Variants in GUCY1A2 observed in about 807,000 individuals in gnomAD.
GUCY1A2 encodes guanylate cyclase soluble subunit alpha-2.
Under a neutral mutation model 63.5 loss-of-function variants are expected in GUCY1A2, and 27 were observed. That is an observed-to-expected ratio of 0.43 (90% CI 0.31 to 0.59). The LOEUF is 0.59. GUCY1A2 is among the 20% of genes least tolerant of loss of function. The pLI is 0.11. For missense variants in GUCY1A2, 768 were observed against 913.3 expected (o/e 0.84, Z 2.05); for synonymous variants, 364 against 343.5 (o/e 1.06, Z -0.66).
intron 5 of GUCY1A2, among the ~76,000 whole-genome samples, chr11:106,801,201 G>T (rs1341722141): frequency 6.6e-6 from 1 of 152,034 alleles, no homozygotes; most frequent in Non-Finnish European, 1.5e-5. Context: ...TTTACCTCTA[G>T]GGTAGAATTC....
chr11:106,750,791 T>C (rs1280114834), intron 6 of GUCY1A2, among the ~76,000 whole-genome samples: 1 of 150,446 alleles, frequency 6.6e-6, no homozygotes, highest in Non-Finnish European at 1.5e-5. Flanking sequence ...GACATGCGAT[T>C]TCCTTTTTTT....
intron 4 of GUCY1A2, among the ~76,000 whole-genome samples, chr11:106,929,373 T>A (rs1220438600): frequency 6.6e-6 from 1 of 152,234 alleles, no homozygotes; most frequent in East Asian, 1.9e-4. Context: ...CTTTATTGAG[T>A]TGAATTTTAA....
chr11:106,810,201 T>C lies in GUCY1A2; in HGVS notation c.1484A>G (p.Tyr495Cys). 2 of 1,613,620 alleles carry C rather than the reference T, an allele frequency of 1.2e-6. No homozygotes were observed. The highest frequency in any genetic ancestry group is 1.7e-6 in the Non-Finnish European group (2 of 1,179,586). ...GGCTACATCACCAGGGAAAATAGAA[T>C]ATAGAAGATCCACTGTCTTCTTTTT... is the stretch of plus-strand genomic sequence containing the variant. ...EEKKKTVDLL[Y>C]SIFPGDVAQQ... is the part of the protein sequence containing the mutation. The change falls in exon 5 of 8, where the codon TAT (tyrosine) becomes TGT (cysteine). Residue 495 changes from tyrosine to cysteine, a missense_variant. Tyr to Cys is a radical substitution (Grantham distance 194, BLOSUM62 -2). Transcript: ENST00000526355.
rs766240915 is a variant in GUCY1A2 at position 106,776,432 on chromosome 11, G to A, written c.1836+7C>T. The A allele has an allele frequency of 1.9e-6, 3 of 1,593,512 alleles. No individual in the cohort carries two copies. The African/African-American group carries it at 4.0e-5, about 21-fold the overall frequency. On this transcript the variant is annotated splice_region_variant and intron_variant, in intron 6 of 7. Coordinates refer to ENST00000526355, the MANE Select transcript of GUCY1A2 (RefSeq NM_000855.3). The stretch of plus-strand genomic sequence containing the variant: ...TACTACTCAAACTAGATTGTTGGGA[G>A]GGTTACCTGAATCGGTCTTCCATCA...
chr11:106,941,099 TA>T (rs1860746793), intron 3 of GUCY1A2, among the ~76,000 whole-genome samples: 1 of 152,056 alleles, frequency 6.6e-6, no homozygotes, highest in Non-Finnish European at 1.5e-5. Context: ...AAGAAAATAA[TA>T]ATGACAGAAC....
At position 106,895,212 on chromosome 11, in the gene GUCY1A2, A is replaced by G. The variant is rs563553045; in HGVS notation, c.1206+44248T>C. Among the ~76,000 whole-genome samples, 6 of 152,330 alleles carry G rather than the reference A, an allele frequency of 3.9e-5. No individual in the cohort carries two copies. The East Asian group carries it at 5.8e-4, about 15-fold the overall frequency. ...CACAAAAGATAATCTGTAAAGCTCT[A>G]TATCTATTAAATAAATTTAATCAAT... On this transcript the variant is annotated intron_variant, in intron 4 of 7. Transcript: ENST00000526355.
intron 4 of GUCY1A2, among the ~76,000 whole-genome samples, chr11:106,843,508 G>C (rs931766983): frequency 2.0e-5 from 3 of 151,886 alleles, no homozygotes; most frequent in African/African-American, 7.2e-5. Context: ...GTAACAGCAA[G>C]TGGGAGAAGT....
chr11:106,932,507 GT>G (rs1477222162), intron 4 of GUCY1A2, among the ~76,000 whole-genome samples: 2 of 152,114 alleles, frequency 1.3e-5, no homozygotes, highest in Non-Finnish European at 1.5e-5. Flanking sequence ...GTCGCTCATA[GT>G]TTAGAAGAGT....
chr11:106,789,399 T>C (rs1407564548), intron 5 of GUCY1A2, among the ~76,000 whole-genome samples: 1 of 152,246 alleles, frequency 6.6e-6, no homozygotes, highest in Admixed American at 6.5e-5. Flanking sequence ...TTCTGTGTTA[T>C]CTCAGATTTC....
chr11:106,987,874 C>T (rs193162919), intron 1 of GUCY1A2, among the ~76,000 whole-genome samples: 3 of 152,260 alleles, frequency 2.0e-5, no homozygotes, highest in East Asian at 1.9e-4. Flanking sequence ...TACATTACCA[C>T]GTAGGAGAAC....
chr11:106,853,803 A>G (rs1344555522), intron 4 of GUCY1A2, among the ~76,000 whole-genome samples: 1 of 151,924 alleles, frequency 6.6e-6, no homozygotes, highest in Non-Finnish European at 1.5e-5. Context: ...GTCGGGAAAG[A>G]TTTTTTTCCC....
chr11:107,000,920 G>A (rs1428382624), intron 1 of GUCY1A2, among the ~76,000 whole-genome samples: 1 of 152,160 alleles, frequency 6.6e-6, no homozygotes, highest in Non-Finnish European at 1.5e-5. Flanking sequence ...CAGACTCAGA[G>A]TGACCATGCA....
chr11:106,711,298 CTTTGT>C (rs1248038849), intron 6 of GUCY1A2, among the ~76,000 whole-genome samples: 4 of 152,124 alleles, frequency 2.6e-5, no homozygotes, highest in South Asian at 4.1e-4. Context: ...TCTGGATCAA[CTTTGT>C]TTTATGTGGA....
At chr11:106,762,543 A>T (rs1185107472) in intron 6 of GUCY1A2, among the ~76,000 whole-genome samples, 1 of 152,156 alleles carries the variant, frequency 6.6e-6, no homozygotes, top group Non-Finnish European at 1.5e-5. Flanking sequence ...ATTGAATGAA[A>T]TATAATAATA....
chr11:106,789,246 C>T (rs561413666), intron 5 of GUCY1A2, among the ~76,000 whole-genome samples: 24 of 152,254 alleles, frequency 1.6e-4, no homozygotes, highest in South Asian at 4.1e-4. Flanking sequence ...ATTCTTTCTT[C>T]GGCTTGATCA....
At chr11:106,729,131 CAAAT>C (rs1863456879) in intron 6 of GUCY1A2, among the ~76,000 whole-genome samples, 1 of 152,000 alleles carries the variant, frequency 6.6e-6, no homozygotes, top group Admixed American at 6.6e-5. Flanking sequence ...ATGCTATAAG[CAAAT>C]AAATAAAAAT....
chr11:106,921,569 T>A (rs1389142110), intron 4 of GUCY1A2, among the ~76,000 whole-genome samples: 2 of 152,006 alleles, frequency 1.3e-5, no homozygotes, highest in Non-Finnish European at 2.9e-5. Context: ...TCCAATTCCT[T>A]CACAAAGAAC....
At chr11:106,825,626 G>T (rs1181638525) in intron 4 of GUCY1A2, among the ~76,000 whole-genome samples, 1 of 150,986 alleles carries the variant, frequency 6.6e-6, no homozygotes, top group Non-Finnish European at 1.5e-5. Context: ...ACTGACAGAG[G>T]CTCACTGAGT....
intron 4 of GUCY1A2, among the ~76,000 whole-genome samples, chr11:106,900,290 C>T (rs1436117762): frequency 6.6e-6 from 1 of 152,070 alleles, no homozygotes; most frequent in Non-Finnish European, 1.5e-5. Flanking sequence ...CTCCAGAGAG[C>T]CTCCTACCTC....
Sources: gnomAD v4.1 joint callset for allele counts (sites outside exome capture counted in the v4.1 genomes callset) on GRCh38, gnomAD v4.1.1 for gene constraint, MANE v1.5 for transcripts, NCBI Gene and HGNC (gene_info 2026-07-23, HGNC 2026-07-21) for gene names.